Variants in LRP5 observed in about 807,000 individuals in gnomAD.
LRP5 encodes the protein low-density lipoprotein receptor-related protein 5.
LRP5 carries 62 observed loss-of-function variants against 154.1 expected under a neutral mutation model. That is an observed-to-expected ratio of 0.40 (90% CI 0.33 to 0.50). The LOEUF (loss-of-function observed/expected upper bound fraction) is 0.50. LRP5 is among the 20% of genes least tolerant of loss of function. LRP5 has a pLI of 0.55. For missense variants in LRP5, 1,915 were observed against 2,336.7 expected, an observed-to-expected ratio of 0.82 and a Z score of 3.72; for synonymous variants, 966 against 1,011.5, an observed-to-expected ratio of 0.96 and a Z score of 0.85.
At chr11:68,446,274 C>T (rs140072262) in intron 21 of LRP5, among the ~76,000 whole-genome samples, 162 bp from the exon 22 acceptor site, 46 of 152,330 alleles carry the variant, frequency 3.0e-4, no homozygotes, top group African/African-American at 1.1e-3. Flanking sequence ...GCTGCTGCCT[C>T]CCCTCCTGTC....
intron 5 of LRP5, 146 bp downstream of exon 5, chr11:68,365,848 T>C (rs983657397): frequency 7.5e-6 from 6 of 804,250 alleles, no homozygotes; most frequent in Non-Finnish European, 9.6e-6. Context: ...AAGTCTGTGG[T>C]CCCAGCTACT....
At chr11:68,346,654 G>C (rs578180973) in intron 1 of LRP5, among the ~76,000 whole-genome samples, 2 of 152,328 alleles carry the variant, frequency 1.3e-5, no homozygotes, top group East Asian at 3.9e-4. Flanking sequence ...ATCTGCGCAG[G>C]AGGACCCAGG....
Position 68,344,849 on chromosome 11 carries a change from CTTTTTTTTTTTTTT to C in LRP5, c.92-2981_92-2968del, listed in dbSNP as rs58477287. On this transcript the variant is annotated intron_variant, in intron 1 of 22. Transcript: ENST00000294304. ...TTGTAGCATGTGTCAGAATCTCTCT[CTTTTTTTTTTTTTT>C]TTTTTTTTTTTTTTTTGCAGACAGA... Among the ~76,000 whole-genome samples the C allele has an allele frequency of 1.6e-3, 103 of 65,578 alleles. 1 individual carries two copies. Among genetic ancestry groups the C allele is most frequent in the African/African-American group, 4.3e-3 (69 of 16,212 alleles). 43.0% of individuals were successfully genotyped at this position (65,578 alleles called of 152,430 possible). A position where few individuals can be genotyped will look rare whatever the true frequency, so the allele number is the denominator to read the frequency against.
chr11:68,438,307 C>T (rs2098676135), intron 19 of LRP5, 139 bp from the exon 20 acceptor site: 7 of 869,410 alleles, frequency 8.1e-6, no homozygotes, highest in South Asian at 5.4e-5. Context: ...CCAGGCCTAG[C>T]CTCCCAGCTC....
At chr11:68,364,276 C>G (rs2098629673) in intron 4 of LRP5, among the ~76,000 whole-genome samples, 1 of 149,296 alleles carries the variant, frequency 6.7e-6, no homozygotes, top group Admixed American at 6.7e-5. Flanking sequence ...AAGAAGTTGT[C>G]TGTGTGTGTG....
At chr11:68,349,589 C>T (rs926596434) in intron 2 of LRP5, among the ~76,000 whole-genome samples, 1 of 152,202 alleles carries the variant, frequency 6.6e-6, no homozygotes, top group Non-Finnish European at 1.5e-5. Flanking sequence ...GTGTCCTCCT[C>T]AGCTCCTAGT....
intron 1 of LRP5, 91 bp from the exon 2 acceptor site, chr11:68,347,756 C>G (rs2098614360): frequency 6.8e-7 from 1 of 1,469,594 alleles, no homozygotes; most frequent in Non-Finnish European, 9.4e-7. Context: ...CAGGGCAGTA[C>G]CAGGAGTGCT....
chr11:68,389,559 G>A (rs916887052), intron 6 of LRP5, among the ~76,000 whole-genome samples: 6 of 150,080 alleles, frequency 4.0e-5, no homozygotes, highest in East Asian at 2.0e-4. Flanking sequence ...TACCAACGCC[G>A]ACGTTTACCG....
At chr11:68,331,794 C>T (rs1753921054) in intron 1 of LRP5, among the ~76,000 whole-genome samples, 1 of 151,124 alleles carries the variant, frequency 6.6e-6, no homozygotes, top group African/African-American at 2.4e-5. Flanking sequence ...CAAGTGTGTG[C>T]ATTAGGATTA....
chr11:68,308,494 T>C (rs550078652), upstream of LRP5, among the ~76,000 whole-genome samples: 124 of 152,292 alleles, frequency 8.1e-4, no homozygotes, highest in Admixed American at 2.7e-3. Flanking sequence ...TAAGAAAAGT[T>C]TGTTGGCCTG....
At chr11:68,337,983 C>T (rs1270760436) in intron 1 of LRP5, among the ~76,000 whole-genome samples, 3 of 152,198 alleles carry the variant, frequency 2.0e-5, no homozygotes, top group Non-Finnish European at 4.4e-5. Context: ...CCTGTCCATG[C>T]ATTCATCCCA....
intron 18 of LRP5, among the ~76,000 whole-genome samples, chr11:68,434,165 G>C (rs2098673550): frequency 2.0e-5 from 3 of 152,282 alleles, no homozygotes; most frequent in Non-Finnish European, 4.4e-5. Context: ...GCCCCCAAAA[G>C]ACAGTGCTGT....
intron 17 of LRP5, 150 bp from the exon 18 acceptor site, chr11:68,433,452 G>A (rs2098673048): frequency 2.6e-6 from 2 of 762,110 alleles, no homozygotes; most frequent in Non-Finnish European, 4.7e-6. Context: ...CCGCAGCGAT[G>A]GAGGATGTGC....
At position 68,439,931 on chromosome 11, in the gene LRP5, C is replaced by T. The variant is rs1444392071; in HGVS notation, c.4488+15C>T. 156 of 405,914 alleles carry T rather than the reference C, an allele frequency of 3.8e-4. No homozygotes were observed. The highest frequency in any genetic ancestry group is 5.8e-4 in the Non-Finnish European group (123 of 213,318). The allele number at this position is 405,914 out of a possible 1,614,324, so 25.1% of individuals were successfully genotyped here. A position where few individuals can be genotyped will look rare whatever the true frequency, so the allele number is the denominator to read the frequency against. ...TGTACCCGCCGGTGAGGGGCGGGGC[C>T]GGGGAGGGGCGGGGCGGGATGGGGC... On this transcript the variant is annotated intron_variant, in intron 21 of 22. Transcript: ENST00000294304.
chr11:68,307,715 G>C (rs1746329090), upstream of LRP5, among the ~76,000 whole-genome samples: 1 of 152,036 alleles, frequency 6.6e-6, no homozygotes, highest in African/African-American at 2.4e-5. Context: ...CTACTTGGGA[G>C]GCTGTGGTAG....
chr11:68,322,819 G>A (rs1450947347), intron 1 of LRP5, among the ~76,000 whole-genome samples: 2 of 151,356 alleles, frequency 1.3e-5, no homozygotes, highest in African/African-American at 4.8e-5. Context: ...CAGCTTCTGG[G>A]CCAAGTGTGA....
At chr11:68,425,912 C>A in intron 15 of LRP5, 66 bp from the exon 16 acceptor site, 2 of 1,427,870 alleles carry the variant, frequency 1.4e-6, no homozygotes, top group Non-Finnish European at 2.0e-6. Context: ...TCTGTCCTCC[C>A]AAGCTGAGTG....
Position 68,348,059 on chromosome 11 carries a change from G to A in LRP5, c.304G>A (p.Val102Met), listed in dbSNP as rs140216273. 9.3e-6 allele frequency: 15 copies of A among 1,613,984 alleles called. No homozygotes were observed. Among genetic ancestry groups the A allele is most frequent in the East Asian group, 6.7e-5 (3 of 44,888 alleles). The change falls in exon 2 of 23, where the codon GTG becomes ATG. Residue 102 changes from valine to methionine, a missense_variant. Coordinates refer to ENST00000294304, the MANE Select transcript of LRP5 (RefSeq NM_002335.4). The stretch of plus-strand genomic sequence containing the variant: ...CCAGACGGGGGCCGCCGTGCAGAAC[G>A]TGGTCATCTCCGGCCTGGTCTCTCC... Reference protein sequence around the residue: ...LNQTGAAVQNVVISGLVSPDG... With the variant: ...LNQTGAAVQNMVISGLVSPDG...
At chr11:68,300,743 C>T in the LRP5 span, among the ~76,000 whole-genome samples, 5 of 149,686 alleles carry the variant, frequency 3.3e-5, no homozygotes, top group South Asian at 1.0e-3. Flanking sequence ...TGCTCCAGCA[C>T]AGCACCTCAA....
Sources: gnomAD v4.1 joint callset for allele counts (sites outside exome capture counted in the v4.1 genomes callset) on GRCh38, gnomAD v4.1.1 for gene constraint, MANE v1.5 for transcripts, NCBI Gene and HGNC (gene_info 2026-07-23, HGNC 2026-07-21) for gene names.